PIK3R2: variants seen among roughly 807,000 people sequenced by gnomAD.
PIK3R2 encodes phosphoinositide-3-kinase regulatory subunit 2, also known as phosphatidylinositol 3-kinase regulatory subunit beta.
In PIK3R2, 40 loss-of-function variants were observed where a neutral mutation model predicts 78.5. That is an observed-to-expected ratio of 0.51 (90% CI 0.40 to 0.66). PIK3R2 has a LOEUF of 0.66. Among genes scored for constraint, PIK3R2 ranks in the 30% least tolerant of loss-of-function variants. The pLI is 0.00. For missense variants in PIK3R2, 880 were observed against 1,026.6 expected (o/e 0.86, Z 1.95); for synonymous variants, 473 against 457.7 (o/e 1.03, Z -0.43).
At chr19:18,162,126 A>C (rs1202903748) in intron 7 of PIK3R2, 75 bp downstream of exon 7, 3 of 1,503,070 alleles carry the variant, frequency 2.0e-6, no homozygotes, top group African/African-American at 1.4e-5. Context: ...TGCCGGCATC[A>C]GCAGGCTGGT....
chr19:18,156,784 G>A lies in PIK3R2; in HGVS notation c.322+583G>A, dbSNP rs2043682755. On this transcript the variant is annotated intron_variant, in intron 2 of 15. Coordinates refer to ENST00000222254, the MANE Select transcript of PIK3R2 (RefSeq NM_005027.4). This position sits in a 1 kb window ranked among gnomAD's most constrained non-coding sequence, Gnocchi z 4.2. ...GCCACACAGCACAGTGGGATATGAG[G>A]ACCCCACATCCCTCTTCAAAGACCC... Among the ~76,000 whole-genome samples, 1 of 152,142 alleles carries A rather than the reference G, an allele frequency of 6.6e-6. No homozygotes were observed. The highest frequency in any genetic ancestry group is 6.5e-5 in the Admixed American group (1 of 15,268).
chr19:18,158,495 A>C (rs1044038331), intron 2 of PIK3R2, among the ~76,000 whole-genome samples: 1 of 149,938 alleles, frequency 6.7e-6, no homozygotes, highest in Non-Finnish European at 1.5e-5. Context: ...CATCTCAAAA[A>C]AACAACAACA....
chr19:18,168,798 C>T lies in PIK3R2; in HGVS notation c.1881C>T (p.Ile627=). 1.2e-6 allele frequency: 2 copies of T among 1,613,902 alleles called. No individual in the cohort carries two copies. The highest frequency in any genetic ancestry group is 1.7e-6 in the Non-Finnish European group (2 of 1,179,906). Residue 627 remains isoleucine, a synonymous_variant, in exon 15 of 16, where the codon ATC becomes ATT. Transcript: ENST00000222254. This position sits in a 1 kb window ranked among gnomAD's most constrained non-coding sequence, Gnocchi z 4.1. ...AACGCACTTGGTACGTGGGCAAGAT[C>T]AACCGCACGCAGGCAGAGGAGATGC... The part of the protein sequence containing the change: ...HEERTWYVGK[I]NRTQAEEMLS...
In PIK3R2 at chr19:18,160,930, G is replaced by GA; in HGVS notation, c.429dup (p.Ser144IlefsTer29). The GA allele has an allele frequency of 6.2e-7, 1 of 1,610,590 alleles. No individual in the cohort carries two copies. Among genetic ancestry groups the GA allele is most frequent in the Non-Finnish European group, 8.5e-7 (1 of 1,178,940 alleles). ...CCCTTCACCCCCAGGGCTGGACAGC[G>GA]AATCTCACTACCGCCCGGAGCTGCC... On this transcript the variant is annotated frameshift_variant, in exon 4 of 16. Coordinates refer to ENST00000222254, the MANE Select transcript of PIK3R2 (RefSeq NM_005027.4). LOFTEE classifies it high-confidence loss of function.
intron 2 of PIK3R2, among the ~76,000 whole-genome samples, chr19:18,157,376 G>A (rs192828708): frequency 7.7e-4 from 117 of 151,832 alleles, no homozygotes; most frequent in African/African-American, 2.7e-3. Context: ...GCCCCACGTG[G>A]GGCGGCTGCC....
In PIK3R2 at chr19:18,167,085, G is replaced by A. The variant is rs372330084; in HGVS notation, c.1560-45G>A. The A allele has an allele frequency of 4.1e-5, 60 of 1,476,630 alleles. No homozygotes were observed. The highest frequency in any genetic ancestry group is 5.1e-5 in the Non-Finnish European group (57 of 1,109,006). The allele number at this position is 1,476,630 out of a possible 1,614,324, so 91.5% of individuals were successfully genotyped here. A position where few individuals can be genotyped will look rare whatever the true frequency, so the allele number is the denominator to read the frequency against. ...CAGGAGTTTGAGGGTGCAGTGAGCC[G>A]AGATAAAACCCTGAGGTCTCTGCGC... is the stretch of plus-strand genomic sequence containing the variant. On this transcript the variant is annotated intron_variant, in intron 12 of 15. Transcript: ENST00000222254. The surrounding 1 kb of genome is among the most constrained non-coding windows in gnomAD (Gnocchi z 4.5).
At chr19:18,157,489 G>A (rs2043689784) in intron 2 of PIK3R2, among the ~76,000 whole-genome samples, 1 of 152,192 alleles carries the variant, frequency 6.6e-6, no homozygotes, top group Admixed American at 6.5e-5. Flanking sequence ...TTGGTCCCTG[G>A]GGATGCTGGG....
chr19:18,157,417 T>C (rs2043688936), intron 2 of PIK3R2, among the ~76,000 whole-genome samples: 1 of 152,194 alleles, frequency 6.6e-6, no homozygotes, highest in Non-Finnish European at 1.5e-5. Flanking sequence ...TCCAGGGTTA[T>C]GTGACCTCGG....
intron 1 of PIK3R2, among the ~76,000 whole-genome samples, chr19:18,153,642 C>A (rs1401298044): frequency 6.6e-6 from 1 of 152,190 alleles, no homozygotes; most frequent in Non-Finnish European, 1.5e-5. Flanking sequence ...TGCGGGAGGG[C>A]CGGGGGTCGA....
Position 18,155,962 on chromosome 19 carries a change from G to T in PIK3R2, c.83G>T (p.Gly28Val). ...ERPEDLELLP[G>V]DVLVVSRAAL... ...CCGGAGGACCTGGAGCTGCTGCCCGGCGACGTGCTGGTAGTGAGCCGGGCG... is the reference window on the plus strand; with the variant it reads ...CCGGAGGACCTGGAGCTGCTGCCCGTCGACGTGCTGGTAGTGAGCCGGGCG... The change falls in exon 2 of 16, where the codon GGC (glycine) becomes GTC (valine). Residue 28 changes from glycine to valine, a missense_variant. Transcript: ENST00000222254. The T allele has an allele frequency of 6.4e-7, 1 of 1,567,294 alleles. No individual in the cohort carries two copies. Among genetic ancestry groups the T allele is most frequent in the Non-Finnish European group, 8.6e-7 (1 of 1,156,508 alleles).
intron 2 of PIK3R2, 55 bp from the exon 3 acceptor site, chr19:18,160,416 C>A (rs1430305242): frequency 1.9e-6 from 2 of 1,066,190 alleles, no homozygotes; most frequent in Admixed American, 3.4e-5. Flanking sequence ...AAGAGAGGGG[C>A]TGGGCTCCTT....
rs1249936035 is a variant in PIK3R2, at chr19:18,156,149, A to C, written c.270A>C (p.Pro90=). Residue 90 remains proline (P), a synonymous_variant, in exon 2 of 16, where the codon CCA becomes CCC. Coordinates refer to ENST00000222254, the MANE Select transcript of PIK3R2 (RefSeq NM_005027.4). The surrounding 1 kb of genome is among the most constrained non-coding windows in gnomAD (Gnocchi z 4.2). ...CCCTGGCCCGGCCCGGCCCTCGCCC[A>C]CGGGGCCCCCGCCCACTGCCCGCCA... ...PVALARPGPR[P]RGPRPLPARP... is the part of the protein sequence containing the mutation. 1 of 1,468,872 alleles carries C rather than the reference A, an allele frequency of 6.8e-7. No homozygotes were observed. Among genetic ancestry groups the C allele is most frequent in the Non-Finnish European group, 9.0e-7 (1 of 1,114,156 alleles). 91.0% of individuals were successfully genotyped at this position (1,468,872 alleles called of 1,614,324 possible).
chr19:18,161,924 C>A lies in PIK3R2; in HGVS notation c.816-42C>A. 1 of 1,532,852 alleles carries A rather than the reference C, an allele frequency of 6.5e-7. No homozygotes were observed. The highest frequency in any genetic ancestry group is 9.0e-7 in the Non-Finnish European group (1 of 1,106,602). The allele number at this position is 1,532,852 out of a possible 1,614,324, so 95.0% of individuals were successfully genotyped here. ...AATCCTGTGCACATGCGTGGGCGGA[C>A]AGGCCCTACCCAGCCCTCACCACAC... is the stretch of plus-strand genomic sequence containing the variant. On this transcript the variant is annotated intron_variant, in intron 6 of 15. Coordinates refer to ENST00000222254, the MANE Select transcript of PIK3R2 (RefSeq NM_005027.4). The surrounding 1 kb of genome is among the most constrained non-coding windows in gnomAD (Gnocchi z 5.3).
At chr19:18,166,581 C>G (rs1051130818) in intron 12 of PIK3R2, among the ~76,000 whole-genome samples, 2 of 151,784 alleles carry the variant, frequency 1.3e-5, no homozygotes, top group Non-Finnish European at 2.9e-5. Flanking sequence ...CATGATGGTG[C>G]GCACCTGTAG....
In PIK3R2 at chr19:18,162,495, G is replaced by C. The variant is rs146970612; in HGVS notation, c.1098G>C (p.Thr366=). The change falls in exon 9 of 16, where the codon ACG becomes ACC. Residue 366 remains threonine (T), a synonymous_variant. Transcript: ENST00000222254. ...DASSKIQGEY[T]LTLRKGGNNK... ...CTAGCAAGATCCAGGGCGAGTACAC[G>C]CTGACCCTCAGGTGGGGGCCTGTCC... The C allele has an allele frequency of 6.2e-6, 10 of 1,613,018 alleles. No individual in the cohort carries two copies. In the East Asian group the frequency reaches 1.6e-4, roughly 25 times the overall value.
At chr19:18,154,077 G>C (rs2043651397) in intron 1 of PIK3R2, among the ~76,000 whole-genome samples, 1 of 152,108 alleles carries the variant, frequency 6.6e-6, no homozygotes, top group African/African-American at 2.4e-5. Flanking sequence ...CTGAATCCTT[G>C]ACAAGCAACT....
Position 18,156,323 on chromosome 19 carries a change from A to T in PIK3R2, c.322+122A>T, listed in dbSNP as rs1019493097. On this transcript the variant is annotated intron_variant, in intron 2 of 15. Transcript: ENST00000222254. The surrounding 1 kb of genome is among the most constrained non-coding windows in gnomAD (Gnocchi z 4.2). ...AGGAAAAAGGACATTTGGTCATTTG[A>T]CAAGTGTCTTCAGTGCTAGGCTCAG... is the stretch of plus-strand genomic sequence containing the variant. The T allele has an allele frequency of 1.4e-5, 11 of 775,754 alleles. No homozygotes were observed. Among genetic ancestry groups the T allele is most frequent in the Middle Eastern group, 7.7e-4 (2 of 2,614 alleles). 48.1% of individuals were successfully genotyped at this position (775,754 alleles called of 1,614,324 possible).
In PIK3R2 at chr19:18,161,490, C is replaced by T; in HGVS notation, c.810C>T (p.Pro270=). 9.0e-7 allele frequency: 1 copy of T among 1,108,488 alleles called. No individual in the cohort carries two copies. Among genetic ancestry groups the T allele is most frequent in the Non-Finnish European group, 1.1e-6 (1 of 895,582 alleles). The allele number at this position is 1,108,488 out of a possible 1,614,324, so 68.7% of individuals were successfully genotyped here. Residue 270 remains proline, a synonymous_variant, in exon 6 of 16, where the codon CCC becomes CCT. Coordinates refer to ENST00000222254, the MANE Select transcript of PIK3R2 (RefSeq NM_005027.4). The surrounding 1 kb of genome is among the most constrained non-coding windows in gnomAD (Gnocchi z 5.3). ...CCTCGCCGCCGCCAGGGGGCGCTCC[C>T]GACGGGTGAGGGGCGGGGCGGAGCC... is the stretch of plus-strand genomic sequence containing the variant. ...PPSSPPPGGA[P]DGSEPSPDFP... is the part of the protein sequence containing the mutation.
chr19:18,160,690 C>A, intron 3 of PIK3R2, 127 bp downstream of exon 3: 3 of 918,350 alleles, frequency 3.3e-6, no homozygotes, highest in Non-Finnish European at 5.2e-6. Context: ...ATGCCCTGGG[C>A]CTCTATGTTG....
Sources: allele counts gnomAD v4.1 joint callset (sites outside exome capture counted in the v4.1 genomes callset), GRCh38; gene constraint gnomAD v4.1.1; non-coding constraint Gnocchi (gnomAD v3.1); transcripts MANE v1.5; gene names NCBI Gene and HGNC (gene_info 2026-07-23, HGNC 2026-07-21).